The following PLAUR variants were observed in gnomAD, a reference collection of about 807,000 sequenced individuals.
PLAUR encodes plasminogen activator, urokinase receptor, also known as urokinase plasminogen activator surface receptor.
PLAUR carries 22 observed loss-of-function variants against 33.4 expected under a neutral mutation model. The observed-to-expected ratio is 0.66, with a 90% CI of 0.47 to 0.94. PLAUR has a LOEUF of 0.94. Among genes scored for constraint, PLAUR ranks in the 40% least tolerant of loss-of-function variants. The pLI, the probability that PLAUR is intolerant of heterozygous loss-of-function variation, is 0.00. For synonymous variants in PLAUR, 148 were observed against 167.3 expected (o/e 0.88, Z 0.89); for missense variants, 408 against 434.7 (o/e 0.94, Z 0.55).
chr19:43,666,677 C>T (rs1487495368), intron 2 of PLAUR, among the ~76,000 whole-genome samples: 5 of 151,860 alleles, frequency 3.3e-5, no homozygotes, highest in African/African-American at 1.2e-4. Flanking sequence ...AAACAATTCT[C>T]CTGTCTCAGC....
At chr19:43,657,041 T>C (rs776912177) in intron 3 of PLAUR, among the ~76,000 whole-genome samples, 5 of 151,820 alleles carry the variant, frequency 3.3e-5, no homozygotes, top group Non-Finnish European at 5.9e-5. Context: ...CTCCCCGGGT[T>C]CAAGTGATTC....
In PLAUR at chr19:43,666,726, C is replaced by G. The variant is rs540642226; in HGVS notation, c.166+855G>C. Among the ~76,000 whole-genome samples, 308 of 151,902 alleles carry G rather than the reference C, an allele frequency of 2.0e-3. 1 individual carries two copies. Among genetic ancestry groups the G allele is most frequent in the African/African-American group, 7.1e-3 (293 of 41,430 alleles). On this transcript the variant is annotated intron_variant, in intron 2 of 6. Transcript: ENST00000340093. ...GGGATAACTGGTGCCTGCCACCAAG[C>G]CCGGCTAATTTTTGTATTTTTTAGT...
chr19:43,665,588 A>G, intron 2 of PLAUR, 129 bp from the exon 3 acceptor site: 1 of 750,450 alleles, frequency 1.3e-6, no homozygotes. Context: ...TTTGAGTCGA[A>G]CTCTGTCTTT....
chr19:43,655,912 C>A (rs1340370705), intron 4 of PLAUR, among the ~76,000 whole-genome samples: 2 of 152,114 alleles, frequency 1.3e-5, no homozygotes, highest in Non-Finnish European at 2.9e-5. Flanking sequence ...GGAGCTCTGG[C>A]AGCCATTTTA....
rs4251814 is a variant in PLAUR, at chr19:43,667,563, G to T, written c.166+18C>A. ...CCATGCTGCGCTGGAGGGGTGTGTG[G>T]GTTGGGGGGAAGCTCACCTTCCCAC... On this transcript the variant is annotated intron_variant, in intron 2 of 6. Coordinates refer to ENST00000340093, the MANE Select transcript of PLAUR (RefSeq NM_002659.4). 2,023 of 1,561,044 alleles carry T rather than the reference G, an allele frequency of 1.3e-3. 18 individuals are homozygous for T. In the African/African-American group the frequency reaches 0.023, roughly 18 times the overall value.
At chr19:43,655,057 C>A (rs1359850852) in intron 5 of PLAUR, among the ~76,000 whole-genome samples, 1 of 151,998 alleles carries the variant, frequency 6.6e-6, no homozygotes, top group Non-Finnish European at 1.5e-5. Context: ...AGACAGATCA[C>A]TTGAGGTCAG....
intron 3 of PLAUR, among the ~76,000 whole-genome samples, chr19:43,659,365 C>G (rs1974346628): frequency 1.3e-5 from 2 of 152,004 alleles, no homozygotes; most frequent in African/African-American, 4.8e-5. Flanking sequence ...GTTACCCAGG[C>G]TAGTCTCGAA....
chr19:43,652,058 T>A (rs1974014976), intron 6 of PLAUR, 167 bp downstream of exon 6: 6 of 1,406,418 alleles, frequency 4.3e-6, no homozygotes, highest in Non-Finnish European at 5.6e-6. Flanking sequence ...CACATCCTGA[T>A]GGACAAGTCC....
chr19:43,652,045 G>A (rs1974014412), intron 6 of PLAUR, 180 bp downstream of exon 6: 4 of 1,385,836 alleles, frequency 2.9e-6, no homozygotes, highest in South Asian at 3.2e-5. Flanking sequence ...TGGCAAAAAT[G>A]TCCACATCCT....
At position 43,649,012 on chromosome 19, in the gene PLAUR, G is replaced by C; in HGVS notation, c.886C>G (p.Pro296Ala). The C allele has an allele frequency of 1.2e-6, 2 of 1,614,216 alleles. No individual in the cohort carries two copies. The highest frequency in any genetic ancestry group is 1.7e-6 in the Non-Finnish European group (2 of 1,180,030). ...SCCTKSGCNH[P>A]DLDVQYRSGA... is the part of the protein sequence containing the mutation. ...CTGCGGTACTGGACATCCAGGTCTG[G>C]GTGGTTACAGCCACTTTTAGTACAG... The change falls in exon 7 of 7, where the codon CCA (proline) becomes GCA (alanine). Residue 296 changes from proline to alanine, a missense_variant. By Grantham distance (27) the Pro-to-Ala change is conservative. Coordinates refer to ENST00000340093, the MANE Select transcript of PLAUR (RefSeq NM_002659.4).
chr19:43,656,580 T>C lies in PLAUR; in HGVS notation c.371A>G (p.Asp124Gly), dbSNP rs1035204110. The change falls in exon 4 of 7, where the codon GAC becomes GGC. Residue 124 changes from aspartate (D) to glycine (G), a missense_variant. Coordinates refer to ENST00000340093, the MANE Select transcript of PLAUR (RefSeq NM_002659.4). ...YLECISCGSS[D>G]MSCERGRHQS... Reference sequence around the variant, plus strand: ...GTGCCGGCCCCTCTCACAGCTCATGTCTGATGAGCCACAGGAAATGCATTC... The same window carrying C: ...GTGCCGGCCCCTCTCACAGCTCATGCCTGATGAGCCACAGGAAATGCATTC... The C allele has an allele frequency of 1.2e-6, 2 of 1,612,584 alleles. No individual in the cohort carries two copies. Among genetic ancestry groups the C allele is most frequent in the East Asian group, 4.5e-5 (2 of 44,756 alleles).
At chr19:43,649,433 G>A (rs1361344633) in intron 6 of PLAUR, among the ~76,000 whole-genome samples, 1 of 152,080 alleles carries the variant, frequency 6.6e-6, no homozygotes, top group Non-Finnish European at 1.5e-5. Context: ...CCAGCTACTT[G>A]GGAGGCTGAG....
At chr19:43,667,745 C>A in intron 1 of PLAUR, 54 bp from the exon 2 acceptor site, 1 of 1,589,100 alleles carries the variant, frequency 6.3e-7, no homozygotes, top group Non-Finnish European at 8.6e-7. Context: ...GCTCCAAGAC[C>A]CCCGCTCACC....
At chr19:43,660,914 C>T (rs1279282628) in intron 3 of PLAUR, 1 of 151,900 alleles carries the variant, frequency 6.6e-6, no homozygotes, top group Non-Finnish European at 1.5e-5. Flanking sequence ...TAGGGCTGGT[C>T]TATTTCACTT....
chr19:43,667,279 A>G (rs974621728), intron 2 of PLAUR: 1 of 424,042 alleles, frequency 2.4e-6, no homozygotes, highest in Non-Finnish European at 4.4e-6. Context: ...GCATTTCTGC[A>G]TGGCGAGGAG....
chr19:43,666,601 C>T (rs1967266182), intron 2 of PLAUR, among the ~76,000 whole-genome samples: 1 of 147,372 alleles, frequency 6.8e-6, no homozygotes, highest in African/African-American at 2.5e-5. Context: ...GAGTTTTGCT[C>T]TTGTCGCCCA....
rs562885880 is a variant in PLAUR, at chr19:43,648,815, C to A, written c.*75G>T. ...ACTGGCCTGAGGTCACACAGCAAGTCTGTAGGGCTGGGAGCCGAGGGAAGG... is the reference window on the plus strand; with the variant it reads ...ACTGGCCTGAGGTCACACAGCAAGTATGTAGGGCTGGGAGCCGAGGGAAGG... On this transcript the variant is annotated 3_prime_UTR_variant, in exon 7 of 7. Coordinates refer to ENST00000340093, the MANE Select transcript of PLAUR (RefSeq NM_002659.4). The A allele has an allele frequency of 3.4e-4, 509 of 1,493,870 alleles. 3 individuals are homozygous for A. The African/African-American group carries it at 6.2e-3, about 18-fold the overall frequency. The allele number at this position is 1,493,870 out of a possible 1,614,324, so 92.5% of individuals were successfully genotyped here.
At chr19:43,649,391 C>T (rs979941916) in intron 6 of PLAUR, among the ~76,000 whole-genome samples, 2 of 151,716 alleles carry the variant, frequency 1.3e-5, no homozygotes. Context: ...TCTGTTTCTA[C>T]AAACATAAAA....
intron 1 of PLAUR, among the ~76,000 whole-genome samples, chr19:43,669,126 C>T (rs900954517): frequency 5.4e-4 from 83 of 152,366 alleles, no homozygotes; most frequent in African/African-American, 1.9e-3. Flanking sequence ...GGCCACCCGC[C>T]CTGACTCAGT....
Sources: allele counts gnomAD v4.1 joint callset (sites outside exome capture counted in the v4.1 genomes callset), GRCh38; gene constraint gnomAD v4.1.1; transcripts MANE v1.5; gene names NCBI Gene and HGNC (gene_info 2026-07-23, HGNC 2026-07-21).